Variants in CHL1 observed in about 807,000 individuals in gnomAD.
CHL1 encodes cell adhesion molecule L1 like, also known as neural cell adhesion molecule L1-like protein.
Under a neutral mutation model 141.9 loss-of-function variants are expected in CHL1, and 96 were observed. That is an observed-to-expected ratio of 0.68 (90% CI 0.57 to 0.80). The LOEUF (loss-of-function observed/expected upper bound fraction) is 0.80, where lower values mean the gene tolerates loss of function less well. Ranked by LOEUF, CHL1 falls within the 30% of genes least tolerant of loss-of-function variation. The probability of loss-of-function intolerance (pLI) is 0.00; values close to 1 mark genes in which losing one functional copy is unlikely to be tolerated. For synonymous variants in CHL1, 613 were observed against 502.2 expected (o/e 1.22, Z -2.95); for missense variants, 1,820 against 1,457.2 (o/e 1.25, Z -4.05).
intron 1 of CHL1, among the ~76,000 whole-genome samples, chr3:235,154 T>C (rs1210901599): frequency 6.6e-6 from 1 of 151,970 alleles, no homozygotes; most frequent in African/African-American, 2.4e-5. Context: ...CCCTCCCCCC[T>C]CTTTCTAAAC....
intron 2 of CHL1, among the ~76,000 whole-genome samples, chr3:268,950 G>C (rs1181645493): frequency 6.6e-6 from 1 of 152,196 alleles, no homozygotes. Flanking sequence ...ATGTTAAAGG[G>C]TGTTGAGTGG....
At chr3:216,376 G>T (rs1575616283) in intron 1 of CHL1, among the ~76,000 whole-genome samples, 1 of 152,148 alleles carries the variant, frequency 6.6e-6, no homozygotes, top group African/African-American at 2.4e-5. Context: ...AATTGAAAAA[G>T]TCTCTTCACT....
chr3:304,588 C>T (rs1699060442), intron 2 of CHL1, among the ~76,000 whole-genome samples: 1 of 151,954 alleles, frequency 6.6e-6, no homozygotes, highest in Non-Finnish European at 1.5e-5. Flanking sequence ...GTGGTGATAT[C>T]CCCTTTATCA....
At chr3:314,102 A>G (rs1343871106) in intron 2 of CHL1, among the ~76,000 whole-genome samples, 1 of 151,616 alleles carries the variant, frequency 6.6e-6, no homozygotes, top group East Asian at 1.9e-4. Flanking sequence ...TTTTATTTTT[A>G]TTTTAGATGT....
chr3:235,056 A>G (rs1005902098), intron 1 of CHL1, among the ~76,000 whole-genome samples: 2 of 151,736 alleles, frequency 1.3e-5, no homozygotes, highest in Non-Finnish European at 2.9e-5. Flanking sequence ...CACATTGTGC[A>G]GGTTAGTTAC....
chr3:395,981 C>G (rs1708634390), intron 24 of CHL1, among the ~76,000 whole-genome samples: 1 of 152,104 alleles, frequency 6.6e-6, no homozygotes, highest in African/African-American at 2.4e-5. Context: ...ATGCTCTGAC[C>G]TTTAATATTG....
At position 264,804 on chromosome 3, in the gene CHL1, G is replaced by A. The variant is rs534139924; in HGVS notation, c.-95+20112G>A. Among the ~76,000 whole-genome samples the A allele has an allele frequency of 2.0e-4, 31 of 152,286 alleles. No homozygotes were observed. The South Asian group carries it at 4.1e-3, about 20-fold the overall frequency. The stretch of plus-strand genomic sequence containing the variant: ...GTCTCTTTCGCAATGGACTGTTTGC[G>A]TAAAATACCAGCGTACTTAGTGAAT... On this transcript the variant is annotated intron_variant, in intron 2 of 27. Transcript: ENST00000256509.
At chr3:230,367 C>T (rs1158344380) in intron 1 of CHL1, among the ~76,000 whole-genome samples, 1 of 152,142 alleles carries the variant, frequency 6.6e-6, no homozygotes, top group Admixed American at 6.5e-5. Flanking sequence ...GCTCTGCATC[C>T]ACAGCCTGTT....
rs1228965164 is a variant in CHL1 at position 244,670 on chromosome 3, A to C, written c.-117A>C. ...AATACTGCAAACAAATCATAGTGGA[A>C]CTAAGGGGAACTTAATTTACTGGTA... On this transcript the variant is annotated 5_prime_UTR_variant, in exon 2 of 28. Transcript: ENST00000256509. 1 of 152,226 alleles carries C rather than the reference A, an allele frequency of 6.6e-6. No individual in the cohort carries two copies. The allele number at this position is 152,226 out of a possible 1,614,324, so 9.4% of individuals were successfully genotyped here.
chr3:341,461 A>AC (rs1329924955), intron 6 of CHL1, among the ~76,000 whole-genome samples: 2 of 152,192 alleles, frequency 1.3e-5, no homozygotes. Context: ...CCAGGCTGCA[A>AC]CCAGAACAGG....
At chr3:339,021 T>C (rs1445598060) in intron 5 of CHL1, among the ~76,000 whole-genome samples, 1 of 152,226 alleles carries the variant, frequency 6.6e-6, no homozygotes, top group African/African-American at 2.4e-5. Context: ...CTGTATAGTT[T>C]GCTTGTTATC....
intron 2 of CHL1, among the ~76,000 whole-genome samples, chr3:276,554 C>G (rs1472936823): frequency 6.6e-6 from 1 of 152,098 alleles, no homozygotes; most frequent in East Asian, 1.9e-4. Flanking sequence ...GTACACTGAT[C>G]TCAAAAAGAC....
At chr3:303,046 G>T (rs1575007530) in intron 2 of CHL1, among the ~76,000 whole-genome samples, 1 of 152,076 alleles carries the variant, frequency 6.6e-6, no homozygotes, top group Non-Finnish European at 1.5e-5. Flanking sequence ...AAAATCAGTT[G>T]GTTGTAGCTG....
At chr3:247,547 G>A (rs1338712127) in intron 2 of CHL1, 1 of 152,086 alleles carries the variant, frequency 6.6e-6, no homozygotes, top group Non-Finnish European at 1.5e-5. Context: ...AGGAACAGAA[G>A]GAGGGAAAGA....
At chr3:307,764 G>A (rs958660309) in intron 2 of CHL1, among the ~76,000 whole-genome samples, 1 of 151,648 alleles carries the variant, frequency 6.6e-6, no homozygotes, top group Non-Finnish European at 1.5e-5. Flanking sequence ...TGAAGTACAT[G>A]TAGTAACCAG....
At chr3:403,451 G>A (rs1304051118) in intron 27 of CHL1, among the ~76,000 whole-genome samples, 2 of 152,112 alleles carry the variant, frequency 1.3e-5, no homozygotes, top group Admixed American at 6.6e-5. Context: ...AAAAGCTGAG[G>A]CAGGAGAATT....
chr3:320,713 A>C (rs1233496802), intron 3 of CHL1, among the ~76,000 whole-genome samples: 2 of 152,028 alleles, frequency 1.3e-5, no homozygotes, highest in Non-Finnish European at 2.9e-5. Flanking sequence ...AAAAATAAAA[A>C]CTAAAAAAAT....
chr3:337,516 C>T (rs1156838130), intron 5 of CHL1, among the ~76,000 whole-genome samples: 12 of 150,118 alleles, frequency 8.0e-5, no homozygotes, highest in African/African-American at 2.7e-4. Flanking sequence ...TCCCTCCCCT[C>T]TCCCCCCACC....
intron 1 of CHL1, among the ~76,000 whole-genome samples, chr3:229,675 C>G (rs1701686718): frequency 6.6e-6 from 1 of 152,074 alleles, no homozygotes; most frequent in Non-Finnish European, 1.5e-5. Context: ...TTTATCGACT[C>G]TTGGTGGGAT....
Sources: allele counts gnomAD v4.1 joint callset (sites outside exome capture counted in the v4.1 genomes callset), GRCh38; gene constraint gnomAD v4.1.1; transcripts MANE v1.5; gene names NCBI Gene and HGNC (gene_info 2026-07-23, HGNC 2026-07-21).